The following SASH1 variants were observed in gnomAD, a reference collection of about 807,000 sequenced individuals.
SASH1 encodes SAM and SH3 domain containing 1.
A neutral mutation model predicts 125.2 loss-of-function variants in SASH1; 44 were observed. The ratio of observed to expected loss-of-function variants is 0.35; its 90% CI spans 0.28 to 0.45. The LOEUF (loss-of-function observed/expected upper bound fraction) is 0.45. Ranked by LOEUF, SASH1 falls within the 20% of genes least tolerant of loss-of-function variation. SASH1 has a pLI of 1.00. For missense variants in SASH1, 1,426 were observed against 1,614.5 expected (o/e 0.88, Z 2.00); for synonymous variants, 639 against 649.1 (o/e 0.98, Z 0.24).
intron 1 of SASH1, among the ~76,000 whole-genome samples, chr6:148,301,420 C>T (rs1265667658): frequency 6.6e-6 from 1 of 151,238 alleles, no homozygotes; most frequent in African/African-American, 2.4e-5. Context: ...TGCCCACCAC[C>T]ATGCCCGGCT....
At position 148,440,378 on chromosome 6, in the gene SASH1, C is replaced by G. The variant is rs150780087; in HGVS notation, c.357C>G (p.Ser119Arg). The G allele has an allele frequency of 3.7e-6, 6 of 1,614,026 alleles. No homozygotes were observed. Among genetic ancestry groups the G allele is most frequent in the Non-Finnish European group, 5.1e-6 (6 of 1,179,970 alleles). Residue 119 changes from serine (S) to arginine (R), a missense_variant, in exon 4 of 20, where the codon AGC becomes AGG. Coordinates refer to ENST00000367467, the MANE Select transcript of SASH1 (RefSeq NM_015278.5). ...SQIEESLGFC[S>R]AVSTPEVERK... is the part of the protein sequence containing the mutation. The stretch of plus-strand genomic sequence containing the variant: ...CGTAGGAGTCGCTTGGCTTCTGTAG[C>G]GCCGTGTCAACCCCAGAAGTGGAAA...
chr6:148,392,146 C>T (rs1783751293), intron 2 of SASH1, among the ~76,000 whole-genome samples: 1 of 151,990 alleles, frequency 6.6e-6, no homozygotes, highest in African/African-American at 2.4e-5. Flanking sequence ...ATTAGCCGGG[C>T]GTGGTGGCGC....
At chr6:148,350,299 A>G (rs1781684263) in intron 1 of SASH1, among the ~76,000 whole-genome samples, 2 of 152,178 alleles carry the variant, frequency 1.3e-5, no homozygotes, top group Admixed American at 1.3e-4. Flanking sequence ...ATTCTTATTA[A>G]AGAAAAAAGA....
chr6:148,231,055 C>T, the SASH1 span, among the ~76,000 whole-genome samples: 3 of 152,130 alleles, frequency 2.0e-5, no homozygotes, highest in Non-Finnish European at 4.4e-5. Context: ...ACTGCCTAAC[C>T]TAAGATCATG....
chr6:148,252,132 G>A, the SASH1 span, among the ~76,000 whole-genome samples: 1 of 151,916 alleles, frequency 6.6e-6, no homozygotes, highest in East Asian at 1.9e-4. Flanking sequence ...GCTTGATTAT[G>A]TCTCCAAAAA....
intron 7 of SASH1, chr6:148,480,085 TAGGAGGCCG>T (rs763568568): frequency 6.6e-6 from 1 of 152,138 alleles, no homozygotes; most frequent in Non-Finnish European, 1.5e-5. Context: ...CCCAGCAATT[TAGGAGGCCG>T]AGGCAGGCAG....
Position 148,387,026 on chromosome 6 carries a change from T to C in SASH1, c.157-3108T>C, listed in dbSNP as rs1236889763. Among the ~76,000 whole-genome samples, 8 of 134,768 alleles carry C rather than the reference T, an allele frequency of 5.9e-5. No individual in the cohort carries two copies. The South Asian group carries it at 6.8e-4, about 11-fold the overall frequency. 88.4% of individuals were successfully genotyped at this position (134,768 alleles called of 152,430 possible). On this transcript the variant is annotated intron_variant, in intron 1 of 19. Transcript: ENST00000367467. ...TACCTGGGTGCTTGCTTGCTTTCTC[T>C]CTCTCTTTCTTTCTTGCTTTCTCCC... is the stretch of plus-strand genomic sequence containing the variant.
the SASH1 span, among the ~76,000 whole-genome samples, chr6:148,230,807 C>T: frequency 5.3e-5 from 8 of 152,062 alleles, no homozygotes; most frequent in Non-Finnish European, 7.4e-5. Flanking sequence ...GGATCTTTTG[C>T]CCATCTTAAA....
At chr6:148,261,215 G>C in the SASH1 span, among the ~76,000 whole-genome samples, 3 of 152,188 alleles carry the variant, frequency 2.0e-5, no homozygotes, top group Non-Finnish European at 4.4e-5. Context: ...CAAATCCCTA[G>C]ATAGAATAGT....
chr6:148,348,110 G>A (rs557078409), intron 1 of SASH1, among the ~76,000 whole-genome samples: 47 of 152,160 alleles, frequency 3.1e-4, no homozygotes, highest in Non-Finnish European at 5.3e-4. Context: ...GAGTTCAAGC[G>A]ATTCTCCTGC....
At chr6:148,304,988 G>A (rs1031403946) in intron 1 of SASH1, among the ~76,000 whole-genome samples, 1 of 152,300 alleles carries the variant, frequency 6.6e-6, no homozygotes, top group East Asian at 1.9e-4. Flanking sequence ...CCAAGATTGT[G>A]CCACTGCACT....
At chr6:148,195,377 T>A in the SASH1 span, among the ~76,000 whole-genome samples, 2 of 152,234 alleles carry the variant, frequency 1.3e-5, no homozygotes, top group African/African-American at 4.8e-5. Flanking sequence ...CAGAGGCCGA[T>A]GCTCAGGAAA....
In SASH1 at chr6:148,527,998, G is replaced by T. The variant is rs892722932; in HGVS notation, c.1428+402G>T. Among the ~76,000 whole-genome samples the T allele has an allele frequency of 1.2e-4, 16 of 134,770 alleles. 1 individual carries two copies. Among genetic ancestry groups the T allele is most frequent in the African/African-American group, 3.7e-4 (13 of 35,026 alleles). 88.4% of individuals were successfully genotyped at this position (134,770 alleles called of 152,430 possible). On this transcript the variant is annotated intron_variant, in intron 12 of 19. Transcript: ENST00000367467. The stretch of plus-strand genomic sequence containing the variant: ...AAAGCTTTTTTTTTTTGGGGGGGGG[G>T]GTGGCAGTAGACTTGTCGATCATAG...
At chr6:148,542,936 A>G (rs889368503) in intron 17 of SASH1, among the ~76,000 whole-genome samples, 3 of 152,162 alleles carry the variant, frequency 2.0e-5, no homozygotes, top group East Asian at 1.9e-4. Flanking sequence ...TGTCTGGCCC[A>G]TGAATTGTAA....
At chr6:148,402,803 G>A (rs2114874842) in intron 2 of SASH1, among the ~76,000 whole-genome samples, 1 of 149,538 alleles carries the variant, frequency 6.7e-6, no homozygotes, top group East Asian at 2.0e-4. Context: ...TAGAGACAGG[G>A]TTTCACCATG....
intron 4 of SASH1, among the ~76,000 whole-genome samples, chr6:148,445,922 G>T (rs1355227341): frequency 2.0e-5 from 3 of 151,910 alleles, no homozygotes; most frequent in Non-Finnish European, 4.4e-5. Flanking sequence ...GAAGGCAGGG[G>T]CATATACTAG....
chr6:148,427,108 C>T (rs1052283864), intron 2 of SASH1, among the ~76,000 whole-genome samples: 1 of 152,130 alleles, frequency 6.6e-6, no homozygotes, highest in African/African-American at 2.4e-5. Flanking sequence ...TGCCACTGCA[C>T]ACTGCACTCC....
intron 1 of SASH1, among the ~76,000 whole-genome samples, chr6:148,364,210 GC>G (rs2114719585): frequency 6.6e-6 from 1 of 152,212 alleles, no homozygotes; most frequent in South Asian, 2.1e-4. Context: ...TTATTACACA[GC>G]CCAGCAGACA....
intron 1 of SASH1, among the ~76,000 whole-genome samples, chr6:148,345,926 G>T (rs773229344): frequency 5.9e-5 from 9 of 152,188 alleles, no homozygotes; most frequent in Non-Finnish European, 1.3e-4. Context: ...AATCCTGTGT[G>T]TTTTAGGTAA....
Sources: allele counts gnomAD v4.1 joint callset (sites outside exome capture counted in the v4.1 genomes callset), GRCh38; gene constraint gnomAD v4.1.1; transcripts MANE v1.5; gene names NCBI Gene and HGNC (gene_info 2026-07-23, HGNC 2026-07-21).